Variants in ASPRV1 observed in about 807,000 individuals in gnomAD.
The protein encoded by ASPRV1 is retroviral-like aspartic protease 1.
In ASPRV1, 7 loss-of-function variants were observed where a neutral mutation model predicts 11.0. The observed-to-expected ratio is 0.64, with a 90% CI of 0.36 to 1.20. The LOEUF is 1.20. Ranked by LOEUF, ASPRV1 falls within the 50% of genes most tolerant of loss-of-function variation. ASPRV1 has a pLI of 0.02. For synonymous variants in ASPRV1, 136 were observed against 138.4 expected (o/e 0.98, Z 0.12); for missense variants, 299 against 320.0 (o/e 0.93, Z 0.50).
the ASPRV1 span, among the ~76,000 whole-genome samples, chr2:69,954,494 A>G: frequency 6.6e-6 from 1 of 152,170 alleles, no homozygotes. Flanking sequence ...ACACTTTTGA[A>G]TTGAGTGCAT....
At chr2:70,026,476 G>C in the ASPRV1 span, among the ~76,000 whole-genome samples, 1 of 150,916 alleles carries the variant, frequency 6.6e-6, no homozygotes, top group Admixed American at 6.6e-5. Context: ...CCAAAAAACT[G>C]TTAGAAGTCA....
At chr2:69,936,348 G>A in the ASPRV1 span, among the ~76,000 whole-genome samples, 1 of 151,996 alleles carries the variant, frequency 6.6e-6, no homozygotes. Flanking sequence ...GAGGGGACTG[G>A]GTCTTTGTGC....
At chr2:69,994,696 T>C in the ASPRV1 span, among the ~76,000 whole-genome samples, 11 of 152,058 alleles carry the variant, frequency 7.2e-5, no homozygotes, top group Admixed American at 7.2e-4. Flanking sequence ...GCCTTTCTCT[T>C]TAAAAAAATA....
chr2:70,077,996 G>A, the ASPRV1 span, among the ~76,000 whole-genome samples: 3,710 of 151,506 alleles, frequency 0.024, 343 homozygotes, highest in Admixed American at 0.17. Context: ...ATGAAACCTC[G>A]TCTCTACTAA....
the ASPRV1 span, among the ~76,000 whole-genome samples, chr2:69,943,758 C>T: frequency 5.9e-5 from 9 of 152,276 alleles, no homozygotes; most frequent in Middle Eastern, 3.4e-3. Flanking sequence ...ACCTTTCCAG[C>T]GTGAGTCTCA....
chr2:69,994,604 C>T, the ASPRV1 span, among the ~76,000 whole-genome samples: 1 of 152,250 alleles, frequency 6.6e-6, no homozygotes, highest in East Asian at 1.9e-4. Flanking sequence ...AAAGATGCAG[C>T]CAGGATCTCA....
At chr2:70,042,033 A>T in the ASPRV1 span, among the ~76,000 whole-genome samples, 3 of 152,002 alleles carry the variant, frequency 2.0e-5, no homozygotes, top group African/African-American at 7.3e-5. Flanking sequence ...ATAAAGATTC[A>T]CTCTTTCCAA....
chr2:70,008,312 C>T, the ASPRV1 span, among the ~76,000 whole-genome samples: 1 of 152,136 alleles, frequency 6.6e-6, no homozygotes, highest in Non-Finnish European at 1.5e-5. Flanking sequence ...TCCAGGTGTG[C>T]AAGAAATCAA....
At chr2:70,028,794 T>C in the ASPRV1 span, among the ~76,000 whole-genome samples, 8 of 152,004 alleles carry the variant, frequency 5.3e-5, no homozygotes, top group African/African-American at 1.4e-4. Context: ...CAACAAAAAA[T>C]AGCCAGGCGT....
At chr2:70,013,542 ATAC>A in the ASPRV1 span, among the ~76,000 whole-genome samples, 1 of 152,174 alleles carries the variant, frequency 6.6e-6, no homozygotes, top group South Asian at 2.1e-4. Context: ...CTATAAAATG[ATAC>A]TACTATTATC....
At chr2:70,048,107 CAAAAAAAAA>C in the ASPRV1 span, among the ~76,000 whole-genome samples, 1 of 32,490 alleles carries the variant, frequency 3.1e-5, no homozygotes, top group Non-Finnish European at 6.2e-5. Context: ...GACTCCATCT[CAAAAAAAAA>C]AAAAAAAAAA....
the ASPRV1 span, among the ~76,000 whole-genome samples, chr2:70,014,345 A>G: frequency 1.3e-5 from 2 of 152,210 alleles, no homozygotes; most frequent in South Asian, 4.1e-4. Flanking sequence ...CCCATTCAAA[A>G]AAGGGCAAAG....
At chr2:69,954,648 T>C in the ASPRV1 span, among the ~76,000 whole-genome samples, 3 of 152,134 alleles carry the variant, frequency 2.0e-5, no homozygotes, top group African/African-American at 4.8e-5. Flanking sequence ...TGCCTCCCTG[T>C]TTTCTTCCCT....
At chr2:69,985,032 A>G in the ASPRV1 span, among the ~76,000 whole-genome samples, 11 of 151,802 alleles carry the variant, frequency 7.2e-5, no homozygotes, top group Non-Finnish European at 1.5e-4. Context: ...AATTTTTTGT[A>G]TTTTTAGTAG....
the ASPRV1 span, among the ~76,000 whole-genome samples, chr2:69,972,235 G>GT: frequency 6.6e-6 from 1 of 150,868 alleles, no homozygotes; most frequent in Non-Finnish European, 1.5e-5. Flanking sequence ...CTAATTTTTT[G>GT]TATTTTTAGT....
the ASPRV1 span, chr2:70,056,122 A>C: frequency 6.6e-6 from 1 of 152,170 alleles, no homozygotes; most frequent in South Asian, 2.1e-4. Context: ...CTCTATTTAT[A>C]TGAGGTAGTA....
Position 69,961,237 on chromosome 2 carries a change from T to C in ASPRV1, c.200A>G (p.Asn67Ser), listed in dbSNP as rs763217648. The change falls in exon 1 of 1, where the codon AAT (asparagine) becomes AGT (serine). Residue 67 changes from asparagine (N) to serine (S), a missense_variant. Coordinates refer to ENST00000320256, the MANE Select transcript of ASPRV1 (RefSeq NM_152792.4). ...TCCCTGGTCCTGGGGACTGAGCCTA[T>C]TGTAGACACCCAGGGCCTCTCCTCT... ...SLRGEALGVY[N>S]RLSPQDQGDY... The C allele has an allele frequency of 2.0e-5, 33 of 1,614,106 alleles. No homozygotes were observed. The highest frequency in any genetic ancestry group is 2.7e-5 in the African/African-American group (2 of 75,052).
At chr2:69,950,482 C>G in the ASPRV1 span, among the ~76,000 whole-genome samples, 2 of 152,038 alleles carry the variant, frequency 1.3e-5, no homozygotes, top group Admixed American at 1.3e-4. Context: ...GGTTGCAGTA[C>G]ATTCCTTTTC....
downstream of ASPRV1, among the ~76,000 whole-genome samples, chr2:69,956,663 C>G (rs765007306): frequency 2.0e-5 from 3 of 152,074 alleles, no homozygotes; most frequent in Non-Finnish European, 4.4e-5. Flanking sequence ...TTATGAGAAA[C>G]AAGATATTTA....
Sources: gnomAD v4.1 joint callset for allele counts (sites outside exome capture counted in the v4.1 genomes callset) on GRCh38, gnomAD v4.1.1 for gene constraint, MANE v1.5 for transcripts, NCBI Gene and HGNC (gene_info 2026-07-23, HGNC 2026-07-21) for gene names.